Variants in FLT3LG observed in about 807,000 individuals in gnomAD.
The protein encoded by FLT3LG is fms related receptor tyrosine kinase 3 ligand, also known as fms-related tyrosine kinase 3 ligand.
FLT3LG carries 8 observed loss-of-function variants against 30.9 expected under a neutral mutation model. The observed-to-expected ratio is 0.26, with a 90% confidence interval of 0.15 to 0.47. The LOEUF (loss-of-function observed/expected upper bound fraction) is 0.47. FLT3LG is among the 20% of genes least tolerant of loss of function. The pLI, the probability that FLT3LG is intolerant of heterozygous loss-of-function variation, is 0.99. For missense variants in FLT3LG, 278 were observed against 306.2 expected (o/e 0.91, Z 0.69); for synonymous variants, 123 against 135.9 (o/e 0.91, Z 0.66).
Position 49,475,798 on chromosome 19 carries a change from G to A in FLT3LG, c.141G>A (p.Glu47=). 1.9e-6 allele frequency: 3 copies of A among 1,612,294 alleles called. No individual in the cohort carries two copies. The highest frequency in any genetic ancestry group is 2.5e-6 in the Non-Finnish European group (3 of 1,179,872). The part of the protein sequence containing the change: ...ISSDFAVKIR[E]LSDYLLQDYP... ...CCGACTTCGCTGTCAAAATCCGTGA[G>A]CTGGTGAGCGGCGCTGCCCCGGACC... The change falls in exon 3 of 9, where the codon GAG becomes GAA. Residue 47 remains glutamate (E), a synonymous_variant. Coordinates refer to ENST00000597551, the MANE Select transcript of FLT3LG (RefSeq NM_001459.4).
intron 2 of FLT3LG, among the ~76,000 whole-genome samples, chr19:49,475,173 G>A (rs1258117713): frequency 4.8e-4 from 51 of 106,182 alleles, no homozygotes; most frequent in Non-Finnish European, 8.3e-4. Context: ...GGGGGAGGTG[G>A]ACAGGAGGAG....
chr19:49,479,498 CTTTTTTTTTT>C (rs1177717575), intron 6 of FLT3LG, among the ~76,000 whole-genome samples: 3 of 96,042 alleles, frequency 3.1e-5, no homozygotes, highest in African/African-American at 1.6e-4. Context: ...CCCAGCCTAC[CTTTTTTTTTT>C]TTTTTTTTTT....
At chr19:49,480,078 A>G (rs2079549040) in intron 6 of FLT3LG, among the ~76,000 whole-genome samples, 1 of 152,188 alleles carries the variant, frequency 6.6e-6, no homozygotes, top group Admixed American at 6.5e-5. Flanking sequence ...TGCTGGGATT[A>G]TAGGCGTGAG....
At chr19:49,481,030 TCA>T (rs2079590183) in intron 8 of FLT3LG, 1 of 90,748 alleles carries the variant, frequency 1.1e-5, no homozygotes, top group Non-Finnish European at 1.9e-5. Flanking sequence ...AGACTCCGTC[TCA>T]AAAAAAAAAA....
chr19:49,478,234 G>A (rs1043646190), intron 5 of FLT3LG, among the ~76,000 whole-genome samples: 18 of 151,584 alleles, frequency 1.2e-4, no homozygotes, highest in Non-Finnish European at 2.7e-4. Context: ...TTGGGAGGCC[G>A]AGGCGGGCGG....
chr19:49,475,635 G>A (rs958913840), intron 2 of FLT3LG, 56 bp from the exon 3 acceptor site: 1 of 1,569,656 alleles, frequency 6.4e-7, no homozygotes, highest in Non-Finnish European at 8.6e-7. Flanking sequence ...GAAGCCCGGA[G>A]GAGGGGGCTG....
Position 49,476,975 on chromosome 19 carries a change from C to T in FLT3LG, c.342+409C>T, listed in dbSNP as rs549458750. ...CAGCCTGGCCAACATGATGAAATCCCGGCTGTACTAAAAATACAAAAATTA... is the reference window on the plus strand; with the variant it reads ...CAGCCTGGCCAACATGATGAAATCCTGGCTGTACTAAAAATACAAAAATTA... On this transcript the variant is annotated intron_variant, in intron 5 of 8. Transcript: ENST00000597551. This position sits in a 1 kb window ranked among gnomAD's most constrained non-coding sequence, Gnocchi z 5.3. Among the ~76,000 whole-genome samples the T allele has an allele frequency of 5.9e-5, 9 of 151,392 alleles. No homozygotes were observed. Among genetic ancestry groups the T allele is most frequent in the African/African-American group, 7.3e-5 (3 of 41,240 alleles).
chr19:49,478,527 C>T (rs2079477445), intron 5 of FLT3LG, among the ~76,000 whole-genome samples: 1 of 151,744 alleles, frequency 6.6e-6, no homozygotes, highest in Non-Finnish European at 1.5e-5. Context: ...AATCCCAGCA[C>T]TTTGGGAGGC....
chr19:49,475,448 G>C (rs1293482206), intron 2 of FLT3LG, among the ~76,000 whole-genome samples: 2 of 151,152 alleles, frequency 1.3e-5, no homozygotes, highest in African/African-American at 2.4e-5. Context: ...CAGAGTGGGG[G>C]AGATGGGGAG....
chr19:49,480,831 A>G, intron 8 of FLT3LG: 2 of 569,504 alleles, frequency 3.5e-6, no homozygotes, highest in South Asian at 4.3e-5. Flanking sequence ...CAGGAGTTCA[A>G]GACCAGCCTG....
At chr19:49,479,082 C>T (rs1601097275) in intron 6 of FLT3LG, 35 bp downstream of exon 6, 1 of 1,582,966 alleles carries the variant, frequency 6.3e-7, no homozygotes, top group Non-Finnish European at 8.6e-7. Flanking sequence ...TCCTTCCCCT[C>T]CTGTCCTCAC....
Position 49,483,404 on chromosome 19 carries a change from C to T in FLT3LG, c.*22-2611C>T, listed in dbSNP as rs565947950. 3.9e-5 allele frequency among the ~76,000 whole-genome samples: 6 copies of T among 152,134 alleles called. No individual in the cohort carries two copies. In the East Asian group the frequency reaches 5.8e-4, roughly 15 times the overall value. Reference sequence around the variant, plus strand: ...GTGCTGGATTACAAGTGTAAGCCACCGCGCCCAGCCCAGACAATAAATTTT... The same window carrying T: ...GTGCTGGATTACAAGTGTAAGCCACTGCGCCCAGCCCAGACAATAAATTTT... On this transcript the variant is annotated intron_variant, in intron 8 of 8. Transcript: ENST00000597551.
intron 5 of FLT3LG, among the ~76,000 whole-genome samples, chr19:49,478,324 G>A (rs1043813297): frequency 4.0e-5 from 6 of 151,888 alleles, no homozygotes; most frequent in East Asian, 1.9e-4. Flanking sequence ...ACAATTAGCC[G>A]GGCGTGGTGG....
intron 1 of FLT3LG, 60 bp downstream of exon 1, chr19:49,474,341 G>A (rs2079299799): frequency 5.4e-6 from 3 of 555,094 alleles, no homozygotes; most frequent in Non-Finnish European, 9.6e-6. Flanking sequence ...CCCCACTCCT[G>A]GGGCAGGGGG....
rs372857705 is a variant in FLT3LG at position 49,478,913 on chromosome 19, C to T, written c.347C>T (p.Pro116Leu). The T allele has an allele frequency of 1.4e-5, 21 of 1,533,378 alleles. No homozygotes were observed. Among genetic ancestry groups the T allele is most frequent in the South Asian group, 3.7e-5 (3 of 82,152 alleles). The allele number at this position is 1,533,378 out of a possible 1,614,324, so 95.0% of individuals were successfully genotyped here. The change falls in exon 6 of 9, where the codon CCC becomes CTC. Residue 116 changes from proline (P) to leucine (L), a missense_variant. Around this residue, in one of 3 missense-constraint regions of FLT3LG, gnomAD observed 170 missense variants for 162.0 expected, o/e 1.05. Transcript: ENST00000597551. ...HFVTKCAFQP[P>L]PSCLRFVQTN... is the part of the protein sequence containing the mutation. ...GTCTCCCTCCCCTGCTCCCAGCCCC[C>T]CCCCAGCTGTCTTCGCTTCGTCCAG...
chr19:49,474,419 G>C (rs2079301549), intron 1 of FLT3LG, 138 bp downstream of exon 1: 4 of 606,982 alleles, frequency 6.6e-6, no homozygotes. Flanking sequence ...CAGACGTCGA[G>C]GTTCTTAGAA....
intron 3 of FLT3LG, 129 bp downstream of exon 3, chr19:49,475,930 C>T: frequency 3.9e-6 from 4 of 1,033,484 alleles, no homozygotes; most frequent in Non-Finnish European, 5.9e-6. Context: ...AAGCGATCCT[C>T]CCACCTTGGC....
In FLT3LG at chr19:49,480,561, G is replaced by A. The variant is rs145631151; in HGVS notation, c.670G>A (p.Val224Ile). Reference protein sequence around the residue: ...TPRPGEQVPPVPSPQDLLLVE... With the variant: ...TPRPGEQVPPIPSPQDLLLVE... ...ACTTTGGGGCCCACAGGTGCCCCCC[G>A]TCCCCAGTCCCCAGGACCTGCTGCT... Residue 224 changes from valine (V) to isoleucine (I), a missense_variant, in exon 8 of 9, where the codon GTC becomes ATC. Val to Ile is a conservative substitution (Grantham distance 29, BLOSUM62 3). Around this residue, in one of 3 missense-constraint regions of FLT3LG, gnomAD observed 170 missense variants for 162.0 expected, o/e 1.05. Coordinates refer to ENST00000597551, the MANE Select transcript of FLT3LG (RefSeq NM_001459.4). The A allele has an allele frequency of 9.1e-4, 1,465 of 1,613,062 alleles. 1 individual carries two copies. Among genetic ancestry groups the A allele is most frequent in the Non-Finnish European group, 1.1e-3 (1,317 of 1,179,662 alleles).
At chr19:49,478,863 G>T in intron 5 of FLT3LG, 46 bp from the exon 6 acceptor site, 1 of 1,462,176 alleles carries the variant, frequency 6.8e-7, no homozygotes. Context: ...GCGGAGGGGC[G>T]GTGGGGGGAT....
Sources: gnomAD v4.1 joint callset for allele counts (sites outside exome capture counted in the v4.1 genomes callset) on GRCh38, gnomAD v4.1.1 for gene constraint, gnomAD v4.1.1 regional missense constraint, Gnocchi (gnomAD v3.1) non-coding constraint, MANE v1.5 for transcripts, NCBI Gene and HGNC (gene_info 2026-07-23, HGNC 2026-07-21) for gene names.